FILIP1: variants seen among roughly 807,000 people sequenced by gnomAD.
FILIP1 encodes filamin-A-interacting protein 1.
Under a neutral mutation model 102.1 loss-of-function variants are expected in FILIP1, and 61 were observed. That is an observed-to-expected ratio of 0.60 (90% CI 0.49 to 0.74). The LOEUF is 0.74. Among genes scored for constraint, FILIP1 ranks in the 30% least tolerant of loss-of-function variants. FILIP1 has a pLI of 0.00. For missense variants in FILIP1, 1,314 were observed against 1,441.2 expected, an observed-to-expected ratio of 0.91 and a Z score of 1.43; for synonymous variants, 491 against 526.9, an observed-to-expected ratio of 0.93 and a Z score of 0.93.
chr6:75,374,491 G>A (rs1176491738), intron 2 of FILIP1, among the ~76,000 whole-genome samples: 1 of 152,110 alleles, frequency 6.6e-6, no homozygotes, highest in Non-Finnish European at 1.5e-5. Context: ...CAATTCTCCT[G>A]CCCCAGCCTC....
At chr6:75,350,736 A>T (rs1774768604) in intron 4 of FILIP1, among the ~76,000 whole-genome samples, 1 of 152,222 alleles carries the variant, frequency 6.6e-6, no homozygotes, top group Non-Finnish European at 1.5e-5. Context: ...TATTAAACCA[A>T]TGACTCTGTA....
At chr6:75,481,632 G>A (rs1779652184) in intron 1 of FILIP1, among the ~76,000 whole-genome samples, 1 of 152,160 alleles carries the variant, frequency 6.6e-6, no homozygotes, top group South Asian at 2.1e-4. Context: ...CCAGCTGCTA[G>A]CTTGAACCAC....
At chr6:75,430,897 G>A (rs1412405357) in intron 1 of FILIP1, among the ~76,000 whole-genome samples, 1 of 152,196 alleles carries the variant, frequency 6.6e-6, no homozygotes, top group Non-Finnish European at 1.5e-5. Context: ...CAAGGCAAAA[G>A]CACAAAAACA....
intron 1 of FILIP1, among the ~76,000 whole-genome samples, chr6:75,492,302 C>A (rs1208832428): frequency 9.9e-5 from 15 of 152,042 alleles, no homozygotes; most frequent in Non-Finnish European, 2.9e-5. Flanking sequence ...TATTTGTCAA[C>A]AAATAATATG....
chr6:75,487,366 A>G (rs546930894), intron 1 of FILIP1, among the ~76,000 whole-genome samples: 43 of 152,098 alleles, frequency 2.8e-4, no homozygotes, highest in Non-Finnish European at 5.7e-4. Flanking sequence ...TCATTTCCTC[A>G]TGTGCACTTA....
chr6:75,460,495 G>C (rs975470322), intron 1 of FILIP1, among the ~76,000 whole-genome samples: 2 of 152,038 alleles, frequency 1.3e-5, no homozygotes, highest in Non-Finnish European at 2.9e-5. Context: ...AGTAATATTA[G>C]ATATTGAATC....
chr6:75,418,019 A>T (rs1206481938), intron 1 of FILIP1, among the ~76,000 whole-genome samples: 1 of 152,080 alleles, frequency 6.6e-6, no homozygotes. Context: ...CCAACATGGC[A>T]AAACCCCGTC....
intron 4 of FILIP1, among the ~76,000 whole-genome samples, chr6:75,337,437 C>T (rs180885185): frequency 1.3e-5 from 2 of 152,194 alleles, no homozygotes; most frequent in East Asian, 3.9e-4. Context: ...GACATGATTC[C>T]TGAATTATGA....
At chr6:75,299,408 T>C (rs1338353073) in intron 6 of FILIP1, among the ~76,000 whole-genome samples, 2 of 152,348 alleles carry the variant, frequency 1.3e-5, no homozygotes, top group South Asian at 2.1e-4. Flanking sequence ...CCAAAGACCA[T>C]AGATAATTAC....
At chr6:75,332,883 C>A (rs1458001721) in intron 4 of FILIP1, among the ~76,000 whole-genome samples, 1 of 152,106 alleles carries the variant, frequency 6.6e-6, no homozygotes, top group Non-Finnish European at 1.5e-5. Flanking sequence ...ATAAAGGTAC[C>A]ATACACCTCA....
At chr6:75,368,922 G>C (rs1775427542) in intron 2 of FILIP1, among the ~76,000 whole-genome samples, 1 of 152,200 alleles carries the variant, frequency 6.6e-6, no homozygotes, top group Admixed American at 6.5e-5. Flanking sequence ...GAAAGTCTAA[G>C]TTAGCCAGTC....
chr6:75,474,445 G>C (rs1366166472), intron 1 of FILIP1, among the ~76,000 whole-genome samples: 2 of 152,202 alleles, frequency 1.3e-5, no homozygotes, highest in Non-Finnish European at 2.9e-5. Context: ...AGGACTGGAA[G>C]TGAAGGAGGA....
chr6:75,461,910 T>C (rs1387123287), intron 1 of FILIP1, among the ~76,000 whole-genome samples: 1 of 152,062 alleles, frequency 6.6e-6, no homozygotes, highest in African/African-American at 2.4e-5. Flanking sequence ...TTCTCAAAGG[T>C]GCCTACACAA....
chr6:75,455,129 G>C lies in FILIP1; in HGVS notation c.-7+38285C>G, dbSNP rs548401495. 2.3e-3 allele frequency: 348 copies of C among 151,118 alleles called. 5 individuals carry two copies. In the Middle Eastern group the frequency reaches 0.052, roughly 22 times the overall value. 9.4% of individuals were successfully genotyped at this position (151,118 alleles called of 1,614,324 possible). On this transcript the variant is annotated intron_variant, in intron 1 of 5. Coordinates refer to ENST00000237172, the MANE Select transcript of FILIP1 (RefSeq NM_015687.5). ...TTTCAAGAGATTGGGGGGGTGGGGG[G>C]ACAATGCCAAATTCATATGACAGAC...
At chr6:75,340,861 A>ATTT (rs59666589) in intron 4 of FILIP1, among the ~76,000 whole-genome samples, 2 of 94,306 alleles carry the variant, frequency 2.1e-5, no homozygotes, top group Non-Finnish European at 4.0e-5. Context: ...ATGCTCAGGA[A>ATTT]TTTTTTTTTT....
chr6:75,352,476 G>C (rs1774841558), intron 4 of FILIP1, among the ~76,000 whole-genome samples: 1 of 152,028 alleles, frequency 6.6e-6, no homozygotes, highest in South Asian at 2.1e-4. Context: ...TTAAAGTTGG[G>C]GTCCCTGCTT....
At position 75,314,756 on chromosome 6, in the gene FILIP1, A is replaced by G; in HGVS notation, c.1076T>C (p.Leu359Pro). Residue 359 changes from leucine (L) to proline (P), a missense_variant, in exon 5 of 6, where the codon CTT becomes CCT. Physicochemically the swap from Leu to Pro is moderately conservative, Grantham distance 98. Around this residue, in one of 3 missense-constraint regions of FILIP1, gnomAD observed 494 missense variants for 511.2 expected, o/e 0.97. Coordinates refer to ENST00000237172, the MANE Select transcript of FILIP1 (RefSeq NM_015687.5). ...GGCAATTTTATCTCTTAATTCTTGA[A>G]GTTCTTCCTCTGCCTTCTGCAGATT... ...NKNLQKAEEE[L>P]QELRDKIAKG... The G allele has an allele frequency of 6.2e-7, 1 of 1,614,062 alleles. No homozygotes were observed. The highest frequency in any genetic ancestry group is 8.5e-7 in the Non-Finnish European group (1 of 1,180,016).
At chr6:75,445,045 T>C (rs1486230408) in intron 1 of FILIP1, among the ~76,000 whole-genome samples, 1 of 152,128 alleles carries the variant, frequency 6.6e-6, no homozygotes, top group African/African-American at 2.4e-5. Flanking sequence ...TGAGACAAGA[T>C]AGAAATAGAG....
At chr6:75,318,698 G>A (rs940556627) in intron 4 of FILIP1, among the ~76,000 whole-genome samples, 1 of 152,116 alleles carries the variant, frequency 6.6e-6, no homozygotes, top group African/African-American at 2.4e-5. Context: ...CGTATAAGCT[G>A]CATCAGAGAC....
Sources: allele counts gnomAD v4.1 joint callset (sites outside exome capture counted in the v4.1 genomes callset), GRCh38; gene constraint gnomAD v4.1.1; regional missense constraint gnomAD v4.1.1; transcripts MANE v1.5; gene names NCBI Gene and HGNC (gene_info 2026-07-23, HGNC 2026-07-21).